The following STS variants were observed in gnomAD, a reference collection of about 807,000 sequenced individuals.
The protein encoded by STS is steroid sulfatase, also known as steryl-sulfatase.
A neutral mutation model predicts 26.8 loss-of-function variants in STS; 7 were observed. That is an observed-to-expected ratio of 0.26 (90% CI 0.15 to 0.49). The LOEUF is 0.49. STS is among the 20% of genes least tolerant of loss of function. STS has a pLI of 0.98. For missense variants in STS, 434 were observed against 465.6 expected, an observed-to-expected ratio of 0.93 and a Z score of 0.63; for synonymous variants, 199 against 189.4, an observed-to-expected ratio of 1.05 and a Z score of -0.42.
chrX:7,243,782 G>A (rs1419327408), intron 2 of STS, among the ~76,000 whole-genome samples: 1 of 111,669 alleles, frequency 9.0e-6, no homozygotes, highest in Non-Finnish European at 1.9e-5. Context: ...ATGTTTCCCA[G>A]GCTGGGAGCT....
intron 10 of STS, among the ~76,000 whole-genome samples, chrX:7,347,439 A>G (rs1222644206): frequency 3.6e-5 from 4 of 112,087 alleles, no homozygotes; most frequent in Non-Finnish European, 7.5e-5. Context: ...ATTAATTCTT[A>G]GTTCTACACT....
intron 2 of STS, among the ~76,000 whole-genome samples, chrX:7,204,754 CCTCT>C (rs1380845991): frequency 1.0e-5 from 1 of 100,325 alleles, no homozygotes; most frequent in African/African-American, 3.7e-5. Flanking sequence ...TCCTTTCTTC[CCTCT>C]CTCTCCCTCC....
chrX:7,188,588 C>T (rs1170521735), intron 1 of STS, among the ~76,000 whole-genome samples: 1 of 111,757 alleles, frequency 8.9e-6, no homozygotes, highest in Non-Finnish European at 1.9e-5. Context: ...TAAGTATAGG[C>T]TCTTCGTGGC....
At chrX:7,166,407 A>G (rs756872884) in intron 1 of STS, among the ~76,000 whole-genome samples, 6 of 111,583 alleles carry the variant, frequency 5.4e-5, no homozygotes, top group South Asian at 7.8e-4. Context: ...AACCCCAGCA[A>G]TCTATACAGT....
chrX:7,333,826 G>C (rs1337793671), intron 9 of STS, among the ~76,000 whole-genome samples, 160 bp from the exon 10 acceptor site: 1 of 112,634 alleles, frequency 8.9e-6, no homozygotes, highest in Non-Finnish European at 1.9e-5. Context: ...ATAATGCACG[G>C]ACAGAGCTGG....
chrX:7,295,927 C>T (rs1167961826), intron 7 of STS, among the ~76,000 whole-genome samples: 1 of 111,865 alleles, frequency 8.9e-6, no homozygotes, highest in Non-Finnish European at 1.9e-5. Flanking sequence ...AGGAAAACAT[C>T]ATTTTCAATT....
rs755356665 is a variant in STS at position 7,167,464 on chromosome X, C to T, written c.-134+19381C>T. Among the ~76,000 whole-genome samples the T allele has an allele frequency of 4.5e-5, 5 of 111,717 alleles. No individual in the cohort carries two copies. The South Asian group carries it at 1.5e-3, about 34-fold the overall frequency. ...CTCCTGACCTCAAGTAATCTGCCTG[C>T]CTCGGCCTTCCAAAGTGCTGGGATT... On this transcript the variant is annotated intron_variant, in intron 1 of 10. Transcript: ENST00000674429.
intron 8 of STS, among the ~76,000 whole-genome samples, chrX:7,321,579 G>A (rs1180712314): frequency 8.9e-6 from 1 of 112,185 alleles, no homozygotes; most frequent in Admixed American, 9.4e-5. Flanking sequence ...ATGGAAATTT[G>A]CTTCAGGACC....
intron 8 of STS, among the ~76,000 whole-genome samples, chrX:7,323,844 C>G (rs1275748155): frequency 9.0e-6 from 1 of 111,425 alleles, no homozygotes; most frequent in Non-Finnish European, 1.9e-5. Context: ...TGCCTGCATT[C>G]CTGGGCTTGG....
chrX:7,239,061 A>AT (rs1253245170), intron 2 of STS, among the ~76,000 whole-genome samples: 1 of 111,584 alleles, frequency 9.0e-6, no homozygotes, highest in African/African-American at 3.3e-5. Flanking sequence ...GGTATAATTG[A>AT]TTGTATTGAG....
intron 2 of STS, among the ~76,000 whole-genome samples, chrX:7,198,278 A>G (rs1934007155): frequency 9.0e-6 from 1 of 111,200 alleles, no homozygotes; most frequent in African/African-American, 3.3e-5. Context: ...ATGAAATAAT[A>G]GGGGCCCAAA....
chrX:7,170,425 T>G (rs1186243490), intron 1 of STS, among the ~76,000 whole-genome samples: 1 of 110,436 alleles, frequency 9.1e-6, no homozygotes, highest in Non-Finnish European at 1.9e-5. Flanking sequence ...CTCAAAAAAG[T>G]AAACATGTTT....
intron 7 of STS, among the ~76,000 whole-genome samples, chrX:7,293,832 T>A (rs777148329): frequency 9.0e-6 from 1 of 111,679 alleles, no homozygotes; most frequent in Non-Finnish European, 1.9e-5. Flanking sequence ...AGATTACAGA[T>A]GGAAACAGTA....
intron 8 of STS, among the ~76,000 whole-genome samples, chrX:7,322,660 T>C (rs1184419574): frequency 8.9e-6 from 1 of 112,091 alleles, no homozygotes; most frequent in Non-Finnish European, 1.9e-5. Flanking sequence ...CTTGGCCTCC[T>C]AAAGTGCTGG....
intron 2 of STS, among the ~76,000 whole-genome samples, chrX:7,233,091 CTTTTTTTTTT>C (rs3077766): frequency 4.3e-5 from 3 of 69,874 alleles, no homozygotes; most frequent in Non-Finnish European, 8.0e-5. Context: ...TTCTTTTTTT[CTTTTTTTTTT>C]TTTTTTTTTT....
chrX:7,323,377 C>T lies in STS; in HGVS notation c.1082-1962C>T, dbSNP rs182005326. 7.1e-3 allele frequency among the ~76,000 whole-genome samples: 788 copies of T among 110,981 alleles called. 2 individuals carry two copies. Among genetic ancestry groups the T allele is most frequent in the Non-Finnish European group, 0.011 (607 of 52,996 alleles). On this transcript the variant is annotated intron_variant, in intron 8 of 10. Coordinates refer to ENST00000674429, the MANE Select transcript of STS (RefSeq NM_001320752.2). The stretch of plus-strand genomic sequence containing the variant: ...AGTTTTTCACTCCTTGACCTCCTCC[C>T]TCTTTCCCCCCTAGTAGTTCCCAGT...
At chrX:7,181,396 G>T (rs751463299) in intron 1 of STS, among the ~76,000 whole-genome samples, 87 of 112,412 alleles carry the variant, frequency 7.7e-4, no homozygotes, top group Non-Finnish European at 1.3e-3. Context: ...TGAACACCTG[G>T]GTTAATAAAG....
intron 7 of STS, among the ~76,000 whole-genome samples, chrX:7,299,145 A>G (rs1310480937): frequency 3.1e-5 from 3 of 95,466 alleles, no homozygotes; most frequent in Non-Finnish European, 6.0e-5. Context: ...TATAATTTCT[A>G]TATAAATTGT....
intron 1 of STS, among the ~76,000 whole-genome samples, chrX:7,169,629 T>C (rs1173524394): frequency 8.9e-6 from 1 of 112,037 alleles, no homozygotes; most frequent in African/African-American, 3.3e-5. Flanking sequence ...TTTTACTATC[T>C]CTTAGTTTTA....
Sources: gnomAD v4.1 joint callset for allele counts (sites outside exome capture counted in the v4.1 genomes callset) on GRCh38, gnomAD v4.1.1 for gene constraint, MANE v1.5 for transcripts, NCBI Gene and HGNC (gene_info 2026-07-23, HGNC 2026-07-21) for gene names.